SLCO3A1: variants seen among roughly 807,000 people sequenced by gnomAD.
SLCO3A1 encodes the protein PGE1 transporter.
SLCO3A1 carries 27 observed loss-of-function variants against 63.1 expected under a neutral mutation model. The ratio of observed to expected loss-of-function variants is 0.43; its 90% CI spans 0.32 to 0.59. The LOEUF (loss-of-function observed/expected upper bound fraction) is 0.59, where lower values mean the gene tolerates loss of function less well. Ranked by LOEUF, SLCO3A1 falls within the 20% of genes least tolerant of loss-of-function variation. The probability of loss-of-function intolerance (pLI) is 0.09; values close to 1 mark genes in which losing one functional copy is unlikely to be tolerated. For missense variants in SLCO3A1, 773 were observed against 945.8 expected (o/e 0.82, Z 2.40); for synonymous variants, 473 against 409.9 (o/e 1.15, Z -1.86).
At chr15:92,039,148 A>T (rs969187488) in intron 2 of SLCO3A1, among the ~76,000 whole-genome samples, 1 of 152,216 alleles carries the variant, frequency 6.6e-6, no homozygotes, top group Non-Finnish European at 1.5e-5. Context: ...CCTAGGCAAT[A>T]CAATTAAGGA....
chr15:91,952,424 A>G (rs1900030435), intron 2 of SLCO3A1, among the ~76,000 whole-genome samples: 1 of 152,246 alleles, frequency 6.6e-6, no homozygotes, highest in Admixed American at 6.5e-5. Flanking sequence ...TTGCATCACC[A>G]GCACCTGGGT....
intron 2 of SLCO3A1, among the ~76,000 whole-genome samples, chr15:92,085,951 A>G (rs758294594): frequency 2.0e-5 from 3 of 152,210 alleles, no homozygotes; most frequent in Non-Finnish European, 4.4e-5. Context: ...ATTGATGATC[A>G]CCTATAGATG....
At chr15:91,881,790 C>T (rs539282541) in intron 1 of SLCO3A1, among the ~76,000 whole-genome samples, 223 of 152,270 alleles carry the variant, frequency 1.5e-3, no homozygotes, top group Non-Finnish European at 4.4e-4. Flanking sequence ...ACATACTCCC[C>T]TGGCCCAGAC....
At chr15:91,992,203 A>G (rs1448944081) in intron 2 of SLCO3A1, among the ~76,000 whole-genome samples, 1 of 152,262 alleles carries the variant, frequency 6.6e-6, no homozygotes, top group East Asian at 1.9e-4. Context: ...ATAAGCATTT[A>G]AAACAAAATG....
chr15:91,858,144 G>A (rs1021477990), intron 1 of SLCO3A1, among the ~76,000 whole-genome samples: 1 of 151,894 alleles, frequency 6.6e-6, no homozygotes, highest in Non-Finnish European at 1.5e-5. Context: ...ACATCATTTC[G>A]AAGATGAGTT....
At chr15:91,952,773 G>A (rs528426845) in intron 2 of SLCO3A1, among the ~76,000 whole-genome samples, 1 of 152,136 alleles carries the variant, frequency 6.6e-6, no homozygotes. Flanking sequence ...GTCACATATC[G>A]ATTCTGTCTT....
intron 2 of SLCO3A1, among the ~76,000 whole-genome samples, chr15:91,937,419 A>G (rs1037961694): frequency 5.3e-5 from 8 of 152,140 alleles, no homozygotes; most frequent in African/African-American, 1.7e-4. Context: ...TCTGAGCTGC[A>G]TTTTAAAAAG....
chr15:92,126,055 T>C lies in SLCO3A1; in HGVS notation c.1175-6T>C. 6.2e-7 allele frequency: 1 copy of C among 1,613,586 alleles called. No individual in the cohort carries two copies. ...TCACAGCCCTGCCCCTCTATTTTCC[T>C]TCCAGGGATGACTGCGATCCCGTGT... On this transcript the variant is annotated splice_region_variant and splice_polypyrimidine_tract_variant and intron_variant, in intron 5 of 9. Transcript: ENST00000318445.
intron 2 of SLCO3A1, among the ~76,000 whole-genome samples, chr15:91,978,836 G>A (rs1009583216): frequency 1.3e-5 from 2 of 152,318 alleles, no homozygotes; most frequent in African/African-American, 4.8e-5. Context: ...AAGGGTCAGC[G>A]AACTATGGCC....
intron 2 of SLCO3A1, among the ~76,000 whole-genome samples, chr15:92,091,359 G>C (rs1033001998): frequency 6.6e-6 from 1 of 152,192 alleles, no homozygotes; most frequent in African/African-American, 2.4e-5. Flanking sequence ...GCACCTGGAG[G>C]CGCTGGCCCT....
At chr15:91,919,775 G>A (rs1898783017) in intron 2 of SLCO3A1, among the ~76,000 whole-genome samples, 1 of 151,784 alleles carries the variant, frequency 6.6e-6, no homozygotes, top group Admixed American at 6.6e-5. Context: ...TTTTCAAGGA[G>A]GAAAAGGTGA....
At chr15:92,095,835 C>T (rs76197246) in intron 3 of SLCO3A1, among the ~76,000 whole-genome samples, 8,084 of 152,214 alleles carry the variant, frequency 0.053, 283 homozygotes, top group African/African-American at 0.095. Flanking sequence ...ATCCTGACCC[C>T]AGCTTGCACA....
At chr15:92,085,318 A>C (rs188077831) in intron 2 of SLCO3A1, among the ~76,000 whole-genome samples, 12 of 152,342 alleles carry the variant, frequency 7.9e-5, no homozygotes, top group Non-Finnish European at 1.3e-4. Flanking sequence ...GCTGCCTTTG[A>C]ATAGCAAAGT....
intron 7 of SLCO3A1, among the ~76,000 whole-genome samples, chr15:92,131,338 C>A (rs1341747805): frequency 2.1e-5 from 3 of 145,782 alleles, no homozygotes; most frequent in Non-Finnish European, 4.6e-5. Context: ...GCCTCTCCAG[C>A]CTCAACCTCC....
At chr15:92,001,411 C>G (rs1007332345) in intron 2 of SLCO3A1, among the ~76,000 whole-genome samples, 2 of 152,160 alleles carry the variant, frequency 1.3e-5, no homozygotes, top group Admixed American at 1.3e-4. Flanking sequence ...CCATTAGGAA[C>G]CTTCTGGCTT....
chr15:91,906,890 A>G (rs905043821), intron 1 of SLCO3A1, among the ~76,000 whole-genome samples: 4 of 151,748 alleles, frequency 2.6e-5, no homozygotes, highest in Admixed American at 1.3e-4. Flanking sequence ...AGAAAAATCA[A>G]TGATGAGATT....
rs1389170610 is a variant in SLCO3A1, at chr15:92,131,280, A to G, written c.1512+2791A>G. On this transcript the variant is annotated intron_variant, in intron 7 of 9. Transcript: ENST00000318445. Reference sequence around the variant, plus strand: ...CTTTTTTCTACCTCTTCAAACATGCACTTCTCATTCGAGACATTTATTTGG... The same window carrying G: ...CTTTTTTCTACCTCTTCAAACATGCGCTTCTCATTCGAGACATTTATTTGG... Among the ~76,000 whole-genome samples the G allele has an allele frequency of 3.3e-5, 5 of 151,388 alleles. No individual in the cohort carries two copies. The East Asian group carries it at 9.7e-4, about 29-fold the overall frequency.
chr15:92,014,177 T>C (rs1386053453), intron 2 of SLCO3A1, among the ~76,000 whole-genome samples: 4 of 152,126 alleles, frequency 2.6e-5, no homozygotes, highest in African/African-American at 9.7e-5. Context: ...TCAGTACCTT[T>C]GTTTCCTCCC....
intron 1 of SLCO3A1, among the ~76,000 whole-genome samples, chr15:91,895,505 T>G (rs1897981195): frequency 6.6e-6 from 1 of 152,234 alleles, no homozygotes; most frequent in Admixed American, 6.5e-5. Context: ...AGGGCTTGCA[T>G]ACAATGTTTT....
Sources: gnomAD v4.1 joint callset for allele counts (sites outside exome capture counted in the v4.1 genomes callset) on GRCh38, gnomAD v4.1.1 for gene constraint, MANE v1.5 for transcripts, NCBI Gene and HGNC (gene_info 2026-07-23, HGNC 2026-07-21) for gene names.